WDR7: variants seen among roughly 807,000 people sequenced by gnomAD.
WDR7 encodes WD repeat domain 7.
In WDR7, 46 loss-of-function variants were observed where a neutral mutation model predicts 169.4. The observed-to-expected ratio is 0.27, with a 90% CI of 0.21 to 0.35. The LOEUF (loss-of-function observed/expected upper bound fraction) is 0.35. WDR7 is among the 10% of genes least tolerant of loss of function. The pLI, the probability that WDR7 is intolerant of heterozygous loss-of-function variation, is 1.00. For missense variants in WDR7, 1,534 were observed against 1,859.3 expected, an observed-to-expected ratio of 0.83 and a Z score of 3.22; for synonymous variants, 612 against 666.8, an observed-to-expected ratio of 0.92 and a Z score of 1.27.
At chr18:56,740,733 C>T (rs2043607362) in intron 14 of WDR7, among the ~76,000 whole-genome samples, 1 of 152,084 alleles carries the variant, frequency 6.6e-6, no homozygotes, top group African/African-American at 2.4e-5. Flanking sequence ...CTGAATCCTA[C>T]TTCTTATCTT....
intron 20 of WDR7, among the ~76,000 whole-genome samples, chr18:56,870,068 C>A (rs941286389): frequency 1.3e-5 from 2 of 152,014 alleles, no homozygotes; most frequent in African/African-American, 4.8e-5. Flanking sequence ...TTGTGTGTTC[C>A]CATTTAACAA....
At chr18:56,731,266 G>A in intron 13 of WDR7, 117 bp from the exon 14 acceptor site, 1 of 1,190,922 alleles carries the variant, frequency 8.4e-7, no homozygotes, top group Non-Finnish European at 1.1e-6. Context: ...AAAATTTCCA[G>A]GAGGCATTGA....
At chr18:56,697,253 A>G (rs958023401) in intron 12 of WDR7, among the ~76,000 whole-genome samples, 1 of 152,200 alleles carries the variant, frequency 6.6e-6, no homozygotes, top group Non-Finnish European at 1.5e-5. Flanking sequence ...GAAATTGAAA[A>G]CAGTCTTACT....
At chr18:56,914,663 C>G (rs1334909639) in intron 21 of WDR7, among the ~76,000 whole-genome samples, 1 of 152,004 alleles carries the variant, frequency 6.6e-6, no homozygotes, top group East Asian at 1.9e-4. Flanking sequence ...TTTTTAACAC[C>G]TCTTTGACCA....
At chr18:56,659,520 G>T (rs915166192) in intron 1 of WDR7, among the ~76,000 whole-genome samples, 1 of 152,136 alleles carries the variant, frequency 6.6e-6, no homozygotes, top group African/African-American at 2.4e-5. Context: ...AAAACATATG[G>T]TATGTTAAAT....
chr18:56,740,444 A>G (rs1257418940), intron 14 of WDR7, among the ~76,000 whole-genome samples: 2 of 152,034 alleles, frequency 1.3e-5, no homozygotes, highest in African/African-American at 4.8e-5. Context: ...ATCTCTTGGC[A>G]TGTGTAGTAA....
At chr18:56,843,956 A>C (rs1250039663) in intron 20 of WDR7, among the ~76,000 whole-genome samples, 1 of 149,548 alleles carries the variant, frequency 6.7e-6, no homozygotes, top group Non-Finnish European at 1.5e-5. Flanking sequence ...TCTGCCTCCC[A>C]GGTTCAAGCA....
chr18:56,783,981 T>A (rs2044357007), intron 19 of WDR7, among the ~76,000 whole-genome samples: 1 of 152,188 alleles, frequency 6.6e-6, no homozygotes, highest in Non-Finnish European at 1.5e-5. Context: ...GAATAAAATA[T>A]AAGTAAAATA....
At chr18:56,994,016 C>CTTTTTTTTTTTTTT (rs35579782) in intron 26 of WDR7, among the ~76,000 whole-genome samples, 2 of 129,204 alleles carry the variant, frequency 1.5e-5, no homozygotes, top group Non-Finnish European at 3.2e-5. Flanking sequence ...CTTTTTTTTT[C>CTTTTTTTTTTTTTT]TTTTTTTTTT....
intron 19 of WDR7, among the ~76,000 whole-genome samples, chr18:56,806,938 T>C (rs2044783383): frequency 1.3e-5 from 2 of 152,136 alleles, no homozygotes; most frequent in Admixed American, 6.6e-5. Context: ...GCCTCTCTGT[T>C]ACTCAGATCT....
chr18:56,871,493 A>G (rs190989490), intron 20 of WDR7, among the ~76,000 whole-genome samples: 1 of 152,166 alleles, frequency 6.6e-6, no homozygotes, highest in Non-Finnish European at 1.5e-5. Context: ...TGCAAATTGT[A>G]TTTTTCACTT....
intron 19 of WDR7, among the ~76,000 whole-genome samples, chr18:56,814,045 C>T (rs1417919458): frequency 6.6e-6 from 1 of 152,110 alleles, no homozygotes; most frequent in Admixed American, 6.6e-5. Context: ...GGAGCTTAGT[C>T]CCTGGAAAGA....
chr18:56,673,002 T>C (rs2025168573), intron 2 of WDR7, among the ~76,000 whole-genome samples: 1 of 152,184 alleles, frequency 6.6e-6, no homozygotes, highest in East Asian at 1.9e-4. Context: ...CCTTCTATGG[T>C]AAATGCTTTG....
intron 2 of WDR7, among the ~76,000 whole-genome samples, chr18:56,673,894 C>T (rs1479556388): frequency 2.6e-5 from 4 of 151,578 alleles, no homozygotes; most frequent in Non-Finnish European, 4.4e-5. Flanking sequence ...CTGTCACTAA[C>T]GTCGTGATTA....
intron 1 of WDR7, among the ~76,000 whole-genome samples, chr18:56,656,901 T>C (rs191613683): frequency 6.6e-6 from 1 of 152,256 alleles, no homozygotes; most frequent in Admixed American, 6.5e-5. Context: ...TTGAGTAAAA[T>C]ATTGTAGTTT....
At chr18:57,021,357 C>T (rs2048287738) in intron 27 of WDR7, among the ~76,000 whole-genome samples, 1 of 152,214 alleles carries the variant, frequency 6.6e-6, no homozygotes, top group African/African-American at 2.4e-5. Flanking sequence ...TATTCATTTA[C>T]ACGAGGCCTT....
chr18:56,967,013 A>G (rs2047417666), intron 26 of WDR7, among the ~76,000 whole-genome samples: 1 of 152,212 alleles, frequency 6.6e-6, no homozygotes, highest in Admixed American at 6.5e-5. Context: ...GCACCAGCCA[A>G]GTAGTTAGCA....
intron 25 of WDR7, among the ~76,000 whole-genome samples, chr18:56,954,913 C>A (rs370346650): frequency 6.6e-6 from 1 of 152,002 alleles, no homozygotes; most frequent in East Asian, 1.9e-4. Flanking sequence ...TCTTAAACTT[C>A]GTTATTATGT....
chr18:56,884,189 A>G (rs1363578187), intron 21 of WDR7, among the ~76,000 whole-genome samples: 7 of 152,300 alleles, frequency 4.6e-5, no homozygotes, highest in Admixed American at 3.9e-4. Context: ...TTTTTTGATC[A>G]TGGCCATTCT....
Sources: allele counts gnomAD v4.1 joint callset (sites outside exome capture counted in the v4.1 genomes callset), GRCh38; gene constraint gnomAD v4.1.1; transcripts MANE v1.5; gene names NCBI Gene and HGNC (gene_info 2026-07-23, HGNC 2026-07-21).